Variants in SPTBN1 observed in about 807,000 individuals in gnomAD.
SPTBN1 encodes the protein spectrin beta chain, non-erythrocytic 1.
In SPTBN1, 32 loss-of-function variants were observed where a neutral mutation model predicts 266.4. The observed-to-expected ratio is 0.12, with a 90% CI of 0.09 to 0.16. The LOEUF (loss-of-function observed/expected upper bound fraction) is 0.16. Among genes scored for constraint, SPTBN1 ranks in the 10% least tolerant of loss-of-function variants. SPTBN1 has a pLI of 1.00. For missense variants in SPTBN1, 2,296 were observed against 3,067.1 expected (o/e 0.75, Z 5.94); for synonymous variants, 1,336 against 1,162.2 (o/e 1.15, Z -3.04).
intron 2 of SPTBN1, among the ~76,000 whole-genome samples, chr2:54,574,771 T>C (rs1283001669): frequency 1.3e-5 from 2 of 152,212 alleles, no homozygotes; most frequent in Non-Finnish European, 2.9e-5. Flanking sequence ...TACTGATGCC[T>C]GTGATGTAGT....
intron 2 of SPTBN1, chr2:54,529,542 C>G (rs775301140): frequency 4.2e-6 from 3 of 712,654 alleles, no homozygotes; most frequent in Non-Finnish European, 7.8e-6. Flanking sequence ...AAGACCACCC[C>G]CAGGAGAAAC....
intron 1 of SPTBN1, among the ~76,000 whole-genome samples, chr2:54,502,630 C>T (rs1669333580): frequency 2.0e-5 from 3 of 152,176 alleles, no homozygotes; most frequent in African/African-American, 7.2e-5. Flanking sequence ...TGAAGTCAGA[C>T]AGAGATGTGT....
chr2:54,622,765 C>T (rs1678079389), intron 9 of SPTBN1, among the ~76,000 whole-genome samples: 1 of 152,036 alleles, frequency 6.6e-6, no homozygotes, highest in Admixed American at 6.5e-5. Context: ...ACCATTGTAC[C>T]TAGTGTGTTT....
chr2:54,617,608 G>C lies in SPTBN1; in HGVS notation c.567G>C (p.Gly189=). 1 of 1,614,062 alleles carries C rather than the reference G, an allele frequency of 6.2e-7. No homozygotes were observed. ...LLLWCQMKTA[G]YPNVNIHNFT... ...TTCCCTTCTGCTTTGTCCTTGGCAG[G>C]TACCCCAATGTCAACATTCACAATT... Residue 189 remains glycine, a splice_region_variant and synonymous_variant, in exon 6 of 36, where the codon GGG becomes GGC. Transcript: ENST00000356805.
chr2:54,502,583 G>A (rs1232944861), intron 1 of SPTBN1, among the ~76,000 whole-genome samples: 2 of 152,178 alleles, frequency 1.3e-5, no homozygotes, highest in African/African-American at 4.8e-5. Flanking sequence ...TTTCCTGCAA[G>A]GTTCTTGTAC....
At position 54,631,198 on chromosome 2, in the gene SPTBN1, C is replaced by A; in HGVS notation, c.3151C>A (p.Leu1051Met). Residue 1051 changes from leucine (L) to methionine (M), a missense_variant, in exon 16 of 36, where the codon CTG becomes ATG. By Grantham distance (15) the Leu-to-Met change is conservative. Transcript: ENST00000356805. ...SDVWEEMKTT[L>M]KNREASLGEA... is the part of the protein sequence containing the mutation. ...CGTGTGGGAGGAGATGAAGACCACC[C>A]TGAAAAACCGAGAGGCCTCCCTGGG... The A allele has an allele frequency of 8.1e-6, 13 of 1,614,186 alleles. No individual in the cohort carries two copies. Among genetic ancestry groups the A allele is most frequent in the Non-Finnish European group, 1.1e-5 (13 of 1,180,020 alleles).
chr2:54,587,542 C>G (rs1675373594), intron 2 of SPTBN1, among the ~76,000 whole-genome samples: 1 of 152,154 alleles, frequency 6.6e-6, no homozygotes, highest in South Asian at 2.1e-4. Flanking sequence ...AAGGGCATTG[C>G]AAGTTACCCT....
At chr2:54,522,174 TTAC>T (rs1670482163) in intron 1 of SPTBN1, among the ~76,000 whole-genome samples, 1 of 152,018 alleles carries the variant, frequency 6.6e-6, no homozygotes, top group Non-Finnish European at 1.5e-5. Context: ...AGTGCTGGGA[TTAC>T]AGGCGTGAGC....
chr2:54,486,728 T>C (rs539495305), intron 1 of SPTBN1, among the ~76,000 whole-genome samples: 1 of 141,238 alleles, frequency 7.1e-6, no homozygotes, highest in African/African-American at 2.7e-5. Context: ...TAAAAAAAAA[T>C]AATAAATTAA....
At chr2:54,637,559 A>G (rs370519597) in intron 17 of SPTBN1, among the ~76,000 whole-genome samples, 154 bp from the exon 18 acceptor site, 223 of 152,340 alleles carry the variant, frequency 1.5e-3, no homozygotes, top group South Asian at 4.6e-3. Flanking sequence ...AGGATGCTAA[A>G]ATCTCTTTAT....
chr2:54,586,011 T>C (rs1468850918), intron 2 of SPTBN1, among the ~76,000 whole-genome samples: 1 of 152,226 alleles, frequency 6.6e-6, no homozygotes, highest in East Asian at 1.9e-4. Context: ...ACTTAGAAAA[T>C]AGTGCTAAAC....
rs1681536520 is a variant in SPTBN1, at chr2:54,668,528, G to A, written c.7054G>A (p.Asp2352Asn). 1 of 1,614,042 alleles carries A rather than the reference G, an allele frequency of 6.2e-7. No individual in the cohort carries two copies. Among genetic ancestry groups the A allele is most frequent in the Admixed American group, 1.7e-5 (1 of 59,998 alleles). Reference protein sequence around the residue: ...PGKREKDKEKDKEKRFSLFGK... With the variant: ...PGKREKDKEKNKEKRFSLFGK... ...CAAGCGGGAAAAGGACAAAGAGAAA[G>A]ACAAAGAGAAGCGGTTCAGCCTTTT... Residue 2352 changes from aspartate to asparagine, a missense_variant, in exon 36 of 36, where the codon GAC becomes AAC. This residue lies in a region of SPTBN1 where 347 missense variants were observed against 368.5 expected (regional missense o/e 0.94). Coordinates refer to ENST00000356805, the MANE Select transcript of SPTBN1 (RefSeq NM_003128.3).
chr2:54,654,021 C>G (rs954556869), intron 27 of SPTBN1, among the ~76,000 whole-genome samples, 168 bp downstream of exon 27: 2 of 152,166 alleles, frequency 1.3e-5, no homozygotes, highest in African/African-American at 4.8e-5. Flanking sequence ...GCCTCGTGCA[C>G]TTGGCTCGTG....
chr2:54,489,387 G>A (rs1289150202), intron 1 of SPTBN1, among the ~76,000 whole-genome samples: 1 of 151,808 alleles, frequency 6.6e-6, no homozygotes, highest in Non-Finnish European at 1.5e-5. Context: ...ATATGCAGTT[G>A]CAAGTTGCTG....
rs182422559 is a variant in SPTBN1, at chr2:54,486,194, C to A, written c.-48+29676C>A. Among the ~76,000 whole-genome samples, 702 of 152,106 alleles carry A rather than the reference C, an allele frequency of 4.6e-3. 4 individuals carry two copies. The highest frequency in any genetic ancestry group is 0.02 in the Middle Eastern group (6 of 294). ...GCTGGGAAGTGAGGAGCCCCTCTGC[C>A]CGGCCACCACCCTGTCTGGGAGGTG... On this transcript the variant is annotated intron_variant, in intron 1 of 35. Transcript: ENST00000356805.
chr2:54,510,053 G>A (rs971065132), intron 1 of SPTBN1, among the ~76,000 whole-genome samples: 1 of 151,510 alleles, frequency 6.6e-6, no homozygotes, highest in Non-Finnish European at 1.5e-5. Flanking sequence ...CCGCCTCCCA[G>A]GCTCAAGTGA....
Position 54,658,058 on chromosome 2 carries a change from C to G in SPTBN1, c.6243+12C>G. On this transcript the variant is annotated intron_variant, in intron 30 of 35. Transcript: ENST00000356805. ...AAAGGCTGACTACAGTAAGTGGCCG[C>G]TGGGCCCTTTGTCTGTTGGTGCCCT... 1.2e-6 allele frequency: 2 copies of G among 1,614,148 alleles called. No homozygotes were observed. Among genetic ancestry groups the G allele is most frequent in the Non-Finnish European group, 1.7e-6 (2 of 1,179,998 alleles).
chr2:54,573,004 C>G (rs994235030), intron 2 of SPTBN1, among the ~76,000 whole-genome samples: 2 of 152,152 alleles, frequency 1.3e-5, no homozygotes, highest in Non-Finnish European at 2.9e-5. Flanking sequence ...GATGAGAAGG[C>G]GGGCCCAGAC....
At position 54,496,432 on chromosome 2, in the gene SPTBN1, C is replaced by T. The variant is rs528540829; in HGVS notation, c.-47-29940C>T. On this transcript the variant is annotated intron_variant, in intron 1 of 35. Coordinates refer to ENST00000356805, the MANE Select transcript of SPTBN1 (RefSeq NM_003128.3). ...CAGCCTGGGCGACAGAGTGATACTC[C>T]GTGTCTTAAAAAAAAAAAAAAAAAA... Among the ~76,000 whole-genome samples, 677 of 110,738 alleles carry T rather than the reference C, an allele frequency of 6.1e-3. 8 individuals carry two copies. Among genetic ancestry groups the T allele is most frequent in the African/African-American group, 0.025 (602 of 24,564 alleles). The allele number at this position is 110,738 out of a possible 152,430, so 72.6% of individuals were successfully genotyped here.
Sources: gnomAD v4.1 joint callset for allele counts (sites outside exome capture counted in the v4.1 genomes callset) on GRCh38, gnomAD v4.1.1 for gene constraint, gnomAD v4.1.1 regional missense constraint, MANE v1.5 for transcripts, NCBI Gene and HGNC (gene_info 2026-07-23, HGNC 2026-07-21) for gene names.